Variants in TNFRSF19 observed in about 807,000 individuals in gnomAD.
TNFRSF19 encodes TNF receptor superfamily member 19.
In TNFRSF19, 27 loss-of-function variants were observed where a neutral mutation model predicts 46.4. That is an observed-to-expected ratio of 0.58 (90% CI 0.43 to 0.80). TNFRSF19 has a LOEUF of 0.80. Among genes scored for constraint, TNFRSF19 ranks in the 30% least tolerant of loss-of-function variants. The probability of loss-of-function intolerance (pLI) is 0.00; values close to 1 mark genes in which losing one functional copy is unlikely to be tolerated. For missense variants in TNFRSF19, 511 were observed against 530.8 expected (o/e 0.96, Z 0.37); for synonymous variants, 204 against 205.0 (o/e 1.00, Z 0.04).
intron 1 of TNFRSF19, among the ~76,000 whole-genome samples, chr13:23,578,527 T>C (rs1434909614): frequency 6.6e-6 from 1 of 152,192 alleles, no homozygotes; most frequent in Non-Finnish European, 1.5e-5. Context: ...CCAGTGGGCC[T>C]TGGGGTATAG....
rs940913807 is a variant in TNFRSF19 at position 23,615,384 on chromosome 13, G to A, written c.181-483G>A. Among the ~76,000 whole-genome samples the A allele has an allele frequency of 1.4e-4, 21 of 152,146 alleles. 1 individual carries two copies. Among genetic ancestry groups the A allele is most frequent in the Admixed American group, 1.4e-3 (21 of 15,266 alleles). ...ACTAAATTGCTAACTATTTCAAGGA[G>A]CTCTCCATTTGGATTGATTTCTAGG... On this transcript the variant is annotated intron_variant, in intron 3 of 9. Transcript: ENST00000248484.
chr13:23,577,474 C>T (rs950151964), intron 1 of TNFRSF19, among the ~76,000 whole-genome samples: 5 of 152,124 alleles, frequency 3.3e-5, no homozygotes, highest in Admixed American at 6.5e-5. Context: ...ACAAAATATG[C>T]CCCTTCTCTG....
At chr13:23,598,611 AC>A (rs1361844676) in intron 3 of TNFRSF19, among the ~76,000 whole-genome samples, 1 of 152,042 alleles carries the variant, frequency 6.6e-6, no homozygotes, top group African/African-American at 2.4e-5. Flanking sequence ...AGTGTATGTT[AC>A]TCCCAGGAGC....
At chr13:23,597,976 A>G (rs938963909) in intron 3 of TNFRSF19, among the ~76,000 whole-genome samples, 2 of 152,214 alleles carry the variant, frequency 1.3e-5, no homozygotes, top group Admixed American at 1.3e-4. Context: ...CCATCACATA[A>G]ACAGAACCAA....
In TNFRSF19 at chr13:23,675,128, A is replaced by G. The variant is rs1593310492; in HGVS notation, c.*1748A>G. On this transcript the variant is annotated 3_prime_UTR_variant, in exon 10 of 10. Transcript: ENST00000248484. ...CTTTGGTAGTCAAGAACTCTTAGGA[A>G]CATTGCCTTTTGGACATGTAAAATA... 2 of 152,352 alleles carry G rather than the reference A, an allele frequency of 1.3e-5. No homozygotes were observed. The highest frequency in any genetic ancestry group is 6.8e-3 in the Middle Eastern group (2 of 296). 9.4% of individuals were successfully genotyped at this position (152,352 alleles called of 1,614,324 possible).
Position 23,659,568 on chromosome 13 carries a change from G to T in TNFRSF19, c.610+354G>T. Among the ~76,000 whole-genome samples, 1 of 152,192 alleles carries T rather than the reference G, an allele frequency of 6.6e-6. No homozygotes were observed. Among genetic ancestry groups the T allele is most frequent in the East Asian group, 1.9e-4 (1 of 5,166 alleles). Reference sequence around the variant, plus strand: ...GTCACCCAGGCTGGAGGGCAGTGGCGTGACTTCAGCTCATGGCAACCTCTG... The same window carrying T: ...GTCACCCAGGCTGGAGGGCAGTGGCTTGACTTCAGCTCATGGCAACCTCTG... On this transcript the variant is annotated intron_variant, in intron 6 of 9. Transcript: ENST00000248484. This position sits in a 1 kb window ranked among gnomAD's most constrained non-coding sequence, Gnocchi z 4.9.
intron 5 of TNFRSF19, among the ~76,000 whole-genome samples, chr13:23,643,925 A>G (rs1384294790): frequency 2.6e-5 from 4 of 152,350 alleles, no homozygotes; most frequent in African/African-American, 9.6e-5. Flanking sequence ...AAGTTCATAC[A>G]ACAATCTAAG....
At chr13:23,589,549 A>G (rs1490605174) in intron 1 of TNFRSF19, among the ~76,000 whole-genome samples, 2 of 152,152 alleles carry the variant, frequency 1.3e-5, no homozygotes, top group Non-Finnish European at 2.9e-5. Flanking sequence ...GTGACACAGG[A>G]GCTGTAGAAA....
rs575628042 is a variant in TNFRSF19 at position 23,666,269 on chromosome 13, C to T, written c.737-1711C>T. On this transcript the variant is annotated intron_variant, in intron 7 of 9. Transcript: ENST00000248484. ...TGTAAATATCCTGTCACACCCCAAA[C>T]TTTCACCCTGTAGCTTAGCGTGCTC... Among the ~76,000 whole-genome samples the T allele has an allele frequency of 5.3e-5, 8 of 152,302 alleles. No homozygotes were observed. In the East Asian group the frequency reaches 1.5e-3, roughly 29 times the overall value.
Position 23,668,996 on chromosome 13 carries a change from C to G in TNFRSF19, c.1144C>G (p.Leu382Val). The G allele has an allele frequency of 6.2e-7, 1 of 1,614,240 alleles. No individual in the cohort carries two copies. Among genetic ancestry groups the G allele is most frequent in the South Asian group, 1.1e-5 (1 of 91,086 alleles). Reference protein sequence around the residue: ...ATDLSRYNNTLVESASTQDAL... With the variant: ...ATDLSRYNNTVVESASTQDAL... Reference sequence around the variant, plus strand: ...TGATTTATCTAGATATAACAACACACTGGTAGAATCAGCATCAACTCAGGA... The same window carrying G: ...TGATTTATCTAGATATAACAACACAGTGGTAGAATCAGCATCAACTCAGGA... The change falls in exon 9 of 10, where the codon CTG becomes GTG. Residue 382 changes from leucine (L) to valine (V), a missense_variant. Physicochemically the swap from Leu to Val is conservative, Grantham distance 32. This residue lies in a region of TNFRSF19 where 376 missense variants were observed against 372.7 expected (regional missense o/e 1.01). Coordinates refer to ENST00000248484, the MANE Select transcript of TNFRSF19 (RefSeq NM_148957.4).
chr13:23,668,501 C>T (rs994091227), intron 8 of TNFRSF19, among the ~76,000 whole-genome samples, 191 bp from the exon 9 acceptor site: 2 of 152,166 alleles, frequency 1.3e-5, no homozygotes, highest in South Asian at 4.1e-4. Context: ...TGTCAAAACT[C>T]AGTTTTCAAA....
intron 1 of TNFRSF19, among the ~76,000 whole-genome samples, chr13:23,573,485 C>CTG (rs60767059): frequency 0.15 from 23,129 of 151,636 alleles, 2,254 homozygotes; most frequent in African/African-American, 0.27. Flanking sequence ...GTGTTTGCCT[C>CTG]TGTGTGTGTG....
chr13:23,597,888 G>T (rs1008807460), intron 3 of TNFRSF19, among the ~76,000 whole-genome samples: 1 of 152,124 alleles, frequency 6.6e-6, no homozygotes, highest in Non-Finnish European at 1.5e-5. Context: ...ACATCAAAAA[G>T]CTTATCCACC....
chr13:23,609,867 A>T (rs996886455), intron 3 of TNFRSF19, among the ~76,000 whole-genome samples: 1 of 152,158 alleles, frequency 6.6e-6, no homozygotes, highest in African/African-American at 2.4e-5. Context: ...ATTATAGCTG[A>T]TCTAGCCTAG....
intron 1 of TNFRSF19, chr13:23,585,460 T>G (rs2138162447): frequency 6.6e-6 from 1 of 152,340 alleles, no homozygotes; most frequent in South Asian, 2.1e-4. Context: ...CCTTAGTGAT[T>G]CTTGTCTGTA....
At chr13:23,658,978 C>G in intron 5 of TNFRSF19, 72 bp from the exon 6 acceptor site, 1 of 1,598,452 alleles carries the variant, frequency 6.3e-7, no homozygotes, top group Admixed American at 1.7e-5. Flanking sequence ...GGTAAGGGTG[C>G]CTGCCAGCTT....
At chr13:23,612,222 G>A (rs1593254822) in intron 3 of TNFRSF19, among the ~76,000 whole-genome samples, 1 of 152,154 alleles carries the variant, frequency 6.6e-6, no homozygotes, top group African/African-American at 2.4e-5. Context: ...GGAGGCTGTC[G>A]AGCTTCCCTT....
intron 4 of TNFRSF19, among the ~76,000 whole-genome samples, chr13:23,617,095 G>A (rs1304504161): frequency 2.0e-5 from 3 of 151,958 alleles, no homozygotes; most frequent in African/African-American, 4.8e-5. Flanking sequence ...TGAAGGAGAC[G>A]AGGCACGGAG....
intron 3 of TNFRSF19, among the ~76,000 whole-genome samples, chr13:23,602,536 T>G (rs1403362866): frequency 1.3e-5 from 2 of 152,094 alleles, no homozygotes; most frequent in African/African-American, 4.8e-5. Flanking sequence ...ATAGACAACT[T>G]CATTCAGCAA....
Sources: gnomAD v4.1 joint callset for allele counts (sites outside exome capture counted in the v4.1 genomes callset) on GRCh38, gnomAD v4.1.1 for gene constraint, gnomAD v4.1.1 regional missense constraint, Gnocchi (gnomAD v3.1) non-coding constraint, MANE v1.5 for transcripts, NCBI Gene and HGNC (gene_info 2026-07-23, HGNC 2026-07-21) for gene names.